Variants in ZNF407 observed in about 807,000 individuals in gnomAD.
The protein encoded by ZNF407 is zinc finger protein 407.
In ZNF407, 17 loss-of-function variants were observed where a neutral mutation model predicts 131.2. The ratio of observed to expected loss-of-function variants is 0.13; its 90% CI spans 0.09 to 0.19. The LOEUF is 0.19. Among genes scored for constraint, ZNF407 ranks in the 10% least tolerant of loss-of-function variants. The probability of loss-of-function intolerance (pLI) is 1.00; values close to 1 mark genes in which losing one functional copy is unlikely to be tolerated. For missense variants in ZNF407, 2,681 were observed against 2,830.6 expected (o/e 0.95, Z 1.20); for synonymous variants, 1,156 against 1,062.0 (o/e 1.09, Z -1.72).
intron 4 of ZNF407, among the ~76,000 whole-genome samples, chr18:74,803,230 C>A (rs1970051381): frequency 6.6e-6 from 1 of 152,144 alleles, no homozygotes; most frequent in South Asian, 2.1e-4. Flanking sequence ...CTGTTTGCTC[C>A]CGTGCTCTTG....
At chr18:74,745,665 A>G (rs1968652697) in intron 3 of ZNF407, among the ~76,000 whole-genome samples, 1 of 152,190 alleles carries the variant, frequency 6.6e-6, no homozygotes, top group African/African-American at 2.4e-5. Context: ...CAATTTTGGG[A>G]AAACAGAACA....
chr18:74,819,682 C>G (rs2145099890), intron 4 of ZNF407, among the ~76,000 whole-genome samples: 2 of 152,340 alleles, frequency 1.3e-5, no homozygotes, highest in East Asian at 3.9e-4. Flanking sequence ...AGCCAAGAGT[C>G]CAGCTGTGAG....
At chr18:74,946,402 G>A (rs1259109728) in intron 8 of ZNF407, among the ~76,000 whole-genome samples, 1 of 152,088 alleles carries the variant, frequency 6.6e-6, no homozygotes, top group Non-Finnish European at 1.5e-5. Flanking sequence ...CTCTCTTTGT[G>A]CTTTGAGATA....
rs142923142 is a variant in ZNF407, at chr18:74,767,448, C to G, written c.4803-13980C>G. 3.3e-5 allele frequency among the ~76,000 whole-genome samples: 5 copies of G among 152,156 alleles called. No homozygotes were observed. In the East Asian group the frequency reaches 7.7e-4, roughly 24 times the overall value. On this transcript the variant is annotated intron_variant, in intron 3 of 8. Transcript: ENST00000299687. ...TTCTGTTCTATATACAGATTATATT[C>G]TGTTTTATAAACTTTTATTATTAAG...
intron 8 of ZNF407, among the ~76,000 whole-genome samples, chr18:74,986,617 A>C (rs1972655364): frequency 6.6e-6 from 1 of 152,186 alleles, no homozygotes; most frequent in Non-Finnish European, 1.5e-5. Flanking sequence ...TAACAACTAC[A>C]GTGTGGTTTC....
intron 7 of ZNF407, among the ~76,000 whole-genome samples, chr18:74,917,929 C>T (rs1336369017): frequency 6.6e-6 from 1 of 152,140 alleles, no homozygotes; most frequent in Non-Finnish European, 1.5e-5. Context: ...TTTCTCTCCC[C>T]AGTGTCAGTA....
chr18:74,958,174 CTTA>C (rs1972297997), intron 8 of ZNF407, among the ~76,000 whole-genome samples: 1 of 152,070 alleles, frequency 6.6e-6, no homozygotes, highest in African/African-American at 2.4e-5. Context: ...TATTAAGGTC[CTTA>C]TTATAGATGA....
At chr18:75,013,669 C>T (rs2122187013) in intron 8 of ZNF407, among the ~76,000 whole-genome samples, 1 of 152,176 alleles carries the variant, frequency 6.6e-6, no homozygotes, top group East Asian at 1.9e-4. Context: ...AGTACAAAGG[C>T]AGCAAAGTTA....
At chr18:74,876,931 C>T (rs1291461414) in intron 4 of ZNF407, among the ~76,000 whole-genome samples, 1 of 152,202 alleles carries the variant, frequency 6.6e-6, no homozygotes, top group Non-Finnish European at 1.5e-5. Flanking sequence ...AATCTATTCT[C>T]ACTTTTGCCT....
chr18:75,032,560 A>G (rs1368333401), intron 8 of ZNF407, among the ~76,000 whole-genome samples: 1 of 152,166 alleles, frequency 6.6e-6, no homozygotes, highest in East Asian at 1.9e-4. Flanking sequence ...TCTGGTTTGG[A>G]CTGGCTGCAC....
chr18:74,638,388 A>G (rs894830431), intron 2 of ZNF407, among the ~76,000 whole-genome samples: 2 of 149,300 alleles, frequency 1.3e-5, no homozygotes, highest in Non-Finnish European at 3.0e-5. Context: ...GAATGAATGA[A>G]TGAAGTGTTT....
chr18:74,855,384 GT>G (rs1360350222), intron 4 of ZNF407, among the ~76,000 whole-genome samples: 18 of 152,002 alleles, frequency 1.2e-4, no homozygotes, highest in Admixed American at 8.5e-4. Context: ...GTTTAAAATT[GT>G]TTAACAGTCG....
At chr18:74,863,042 TC>T (rs771100990) in intron 4 of ZNF407, among the ~76,000 whole-genome samples, 29 of 151,354 alleles carry the variant, frequency 1.9e-4, no homozygotes, top group Non-Finnish European at 4.3e-4. Context: ...TGCCTCAGCC[TC>T]CCAAGTAGCT....
intron 3 of ZNF407, among the ~76,000 whole-genome samples, chr18:74,737,158 A>C (rs1347420550): frequency 1.3e-5 from 2 of 152,230 alleles, no homozygotes. Context: ...CACTGAATAC[A>C]TCTATAATTT....
chr18:74,861,435 A>C (rs1280153460), intron 4 of ZNF407, among the ~76,000 whole-genome samples: 1 of 152,256 alleles, frequency 6.6e-6, no homozygotes, highest in Non-Finnish European at 1.5e-5. Flanking sequence ...TGCTGCAGAC[A>C]GAAGGCCCAG....
At chr18:74,746,704 T>C (rs536050435) in intron 3 of ZNF407, among the ~76,000 whole-genome samples, 61 of 152,160 alleles carry the variant, frequency 4.0e-4, no homozygotes, top group East Asian at 1.4e-3. Context: ...ATAACAGTTG[T>C]GGAACTGTCA....
At chr18:74,624,693 TAA>T (rs1362442165) in intron 1 of ZNF407, among the ~76,000 whole-genome samples, 1 of 152,214 alleles carries the variant, frequency 6.6e-6, no homozygotes, top group Non-Finnish European at 1.5e-5. Flanking sequence ...GCCAGTTTTC[TAA>T]GTCAGTCTGT....
chr18:74,618,643 TG>T (rs1476223181), intron 1 of ZNF407, among the ~76,000 whole-genome samples: 2 of 152,200 alleles, frequency 1.3e-5, no homozygotes, highest in Non-Finnish European at 2.9e-5. Context: ...CGTTTAGAGA[TG>T]TTTTTTAAAG....
At chr18:74,980,344 G>A in intron 8 of ZNF407, among the ~76,000 whole-genome samples, 1 of 149,826 alleles carries the variant, frequency 6.7e-6, no homozygotes, top group Non-Finnish European at 1.5e-5. Flanking sequence ...TTTCGCTCTT[G>A]TGGCCCAGGC....
Sources: allele counts gnomAD v4.1 joint callset (sites outside exome capture counted in the v4.1 genomes callset), GRCh38; gene constraint gnomAD v4.1.1; transcripts MANE v1.5; gene names NCBI Gene and HGNC (gene_info 2026-07-23, HGNC 2026-07-21).